PPP2R2C: variants seen among roughly 807,000 people sequenced by gnomAD.
PPP2R2C encodes the protein protein phosphatase 2 regulatory subunit Bgamma, also known as protein phosphatase 2, regulatory subunit B, gamma.
A neutral mutation model predicts 45.3 loss-of-function variants in PPP2R2C; 10 were observed. That is an observed-to-expected ratio of 0.22 (90% CI 0.14 to 0.37). The LOEUF (loss-of-function observed/expected upper bound fraction) is 0.37. Among genes scored for constraint, PPP2R2C ranks in the 10% least tolerant of loss-of-function variants. The pLI, the probability that PPP2R2C is intolerant of heterozygous loss-of-function variation, is 1.00. For missense variants in PPP2R2C, 308 were observed against 619.7 expected, an observed-to-expected ratio of 0.50 and a Z score of 5.34; for synonymous variants, 257 against 245.4, an observed-to-expected ratio of 1.05 and a Z score of -0.44.
chr4:6,491,818 C>A (rs542609601), intron 2 of PPP2R2C, among the ~76,000 whole-genome samples: 1 of 152,312 alleles, frequency 6.6e-6, no homozygotes. Context: ...TGGCTTTCTG[C>A]CACGATTATA....
At chr4:6,484,200 C>T (rs1334956783) in intron 2 of PPP2R2C, among the ~76,000 whole-genome samples, 2 of 151,918 alleles carry the variant, frequency 1.3e-5, no homozygotes, top group Non-Finnish European at 2.9e-5. Context: ...TCATTTTCTA[C>T]ACATATACAA....
chr4:6,348,943 A>G (rs1372127838), intron 5 of PPP2R2C: 1 of 916,994 alleles, frequency 1.1e-6, no homozygotes, highest in African/African-American at 1.8e-5. Flanking sequence ...ACTAGAGCAC[A>G]GAGAAGATGA....
At chr4:6,432,126 A>G (rs755029722) in intron 1 of PPP2R2C, among the ~76,000 whole-genome samples, 1 of 152,200 alleles carries the variant, frequency 6.6e-6, no homozygotes, top group Non-Finnish European at 1.5e-5. Context: ...TTCAGATGAC[A>G]GCAGTAGGCT....
chr4:6,421,961 G>A (rs1489373098), intron 1 of PPP2R2C, among the ~76,000 whole-genome samples: 1 of 152,100 alleles, frequency 6.6e-6, no homozygotes. Flanking sequence ...ACTTAGGAAA[G>A]AAATCCCATA....
chr4:6,389,970 G>A (rs955601717), intron 1 of PPP2R2C, among the ~76,000 whole-genome samples: 11 of 152,140 alleles, frequency 7.2e-5, no homozygotes, highest in Non-Finnish European at 1.3e-4. Flanking sequence ...GTTGGTGAAG[G>A]AGAAAGCAGG....
intron 5 of PPP2R2C, among the ~76,000 whole-genome samples, chr4:6,354,101 C>T (rs1422247190): frequency 3.3e-5 from 5 of 150,760 alleles, no homozygotes; most frequent in African/African-American, 4.9e-5. Flanking sequence ...GAACCCCTTG[C>T]GCTCTGCCCC....
At chr4:6,522,257 A>G (rs1332679168) in intron 2 of PPP2R2C, among the ~76,000 whole-genome samples, 3 of 152,088 alleles carry the variant, frequency 2.0e-5, no homozygotes, top group Non-Finnish European at 4.4e-5. Flanking sequence ...CTTTTCTGAG[A>G]CCCCAAAATG....
chr4:6,383,752 C>T (rs542728806), intron 1 of PPP2R2C: 287 of 928,150 alleles, frequency 3.1e-4, no homozygotes, highest in Non-Finnish European at 3.6e-4. Context: ...AGAACGTAAA[C>T]TTCATGAGGG....
intron 1 of PPP2R2C, chr4:6,382,378 T>C: frequency 7.4e-7 from 1 of 1,345,654 alleles, no homozygotes; most frequent in Non-Finnish European, 9.8e-7. Context: ...CGTTGCTCCC[T>C]GTAGCCACAG....
chr4:6,422,781 T>C (rs888350827), intron 1 of PPP2R2C, among the ~76,000 whole-genome samples: 1 of 152,176 alleles, frequency 6.6e-6, no homozygotes, highest in African/African-American at 2.4e-5. Flanking sequence ...CAAAACACAG[T>C]CACATTCTGA....
intron 1 of PPP2R2C, among the ~76,000 whole-genome samples, chr4:6,444,457 T>C (rs1720314551): frequency 6.6e-6 from 1 of 152,184 alleles, no homozygotes; most frequent in South Asian, 2.1e-4. Context: ...ATCCCCTGGA[T>C]ATTAAGGGAG....
intron 1 of PPP2R2C, among the ~76,000 whole-genome samples, chr4:6,466,918 T>C (rs35550845): frequency 0.48 from 72,745 of 151,898 alleles, 19,825 homozygotes; most frequent in Non-Finnish European, 0.64. Flanking sequence ...GGCGTGGGAG[T>C]TGGCCTACAC....
upstream of PPP2R2C, among the ~76,000 whole-genome samples, chr4:6,476,121 C>T (rs987679383): frequency 1.6e-4 from 24 of 152,170 alleles, no homozygotes; most frequent in African/African-American, 4.8e-4. Context: ...CTGTTGTTTA[C>T]GCCACTTATC....
At chr4:6,337,416 C>T (rs938694720) in intron 6 of PPP2R2C, among the ~76,000 whole-genome samples, 4 of 151,942 alleles carry the variant, frequency 2.6e-5, no homozygotes, top group African/African-American at 9.7e-5. Flanking sequence ...GCCCCCAGCA[C>T]CTGCCCAGGT....
At chr4:6,522,156 C>A (rs1040972201) in intron 2 of PPP2R2C, among the ~76,000 whole-genome samples, 58 of 152,356 alleles carry the variant, frequency 3.8e-4, no homozygotes, top group African/African-American at 1.3e-3. Context: ...CTTCTCCCTG[C>A]CTTTCCTGGT....
At chr4:6,349,948 C>T (rs376648311) in intron 5 of PPP2R2C, 4 of 985,168 alleles carry the variant, frequency 4.1e-6, no homozygotes, top group East Asian at 2.3e-4. Context: ...TTATAAAATG[C>T]CAGGGAAAAA....
rs200373100 is a variant in PPP2R2C, at chr4:6,372,499, T to C, written c.625+24A>G. On this transcript the variant is annotated intron_variant, in intron 5 of 8. Transcript: ENST00000382599. ...AAGCTACTCTGCCCGTGGGAGGCAC[T>C]GGCCAGGCCACAGTGAAGGATACTG... is the stretch of plus-strand genomic sequence containing the variant. 2,126 of 1,537,300 alleles carry C rather than the reference T, an allele frequency of 1.4e-3. 1 individual carries two copies. Among genetic ancestry groups the C allele is most frequent in the Middle Eastern group, 2.9e-3 (17 of 5,894 alleles).
intron 1 of PPP2R2C, among the ~76,000 whole-genome samples, chr4:6,437,175 G>T (rs1360852524): frequency 6.6e-6 from 1 of 152,160 alleles, no homozygotes; most frequent in African/African-American, 2.4e-5. Context: ...TATACATTTT[G>T]TACTTTGCTC....
At chr4:6,421,369 G>A (rs1434774782) in intron 1 of PPP2R2C, among the ~76,000 whole-genome samples, 1 of 152,156 alleles carries the variant, frequency 6.6e-6, no homozygotes, top group Non-Finnish European at 1.5e-5. Flanking sequence ...TAAAAAGCTG[G>A]TTTTTCCACT....
Sources: gnomAD v4.1 joint callset for allele counts (sites outside exome capture counted in the v4.1 genomes callset) on GRCh38, gnomAD v4.1.1 for gene constraint, MANE v1.5 for transcripts, NCBI Gene and HGNC (gene_info 2026-07-23, HGNC 2026-07-21) for gene names.